Variants in GATA4 observed in about 807,000 individuals in gnomAD.
GATA4 encodes GATA binding protein 4.
GATA4 carries 7 observed loss-of-function variants against 37.9 expected under a neutral mutation model. The ratio of observed to expected loss-of-function variants is 0.18; its 90% CI spans 0.11 to 0.35. GATA4 has a LOEUF of 0.35. GATA4 is among the 10% of genes least tolerant of loss of function. The pLI, the probability that GATA4 is intolerant of heterozygous loss-of-function variation, is 1.00. For missense variants in GATA4, 647 were observed against 653.0 expected, an observed-to-expected ratio of 0.99 and a Z score of 0.10; for synonymous variants, 372 against 292.6, an observed-to-expected ratio of 1.27 and a Z score of -2.77.
chr8:11,681,372 A>AT, intron 1 of GATA4: 2 of 985,292 alleles, frequency 2.0e-6, no homozygotes, highest in Non-Finnish European at 2.4e-6. Context: ...CCTAGGTCTC[A>AT]TAAAAACTCC....
intron 1 of GATA4, among the ~76,000 whole-genome samples, chr8:11,684,140 G>A (rs943393751): frequency 1.4e-4 from 22 of 152,222 alleles, no homozygotes; most frequent in African/African-American, 4.8e-4. Context: ...TCCCTGAGCT[G>A]CTAGAAACTA....
At chr8:11,683,209 C>T (rs1255081935) in intron 1 of GATA4, 2 of 871,644 alleles carry the variant, frequency 2.3e-6, no homozygotes, top group Non-Finnish European at 2.8e-6. Context: ...TAGACCTCAG[C>T]ATTTATCCGG....
chr8:11,705,310 CTG>C (rs1331020365), intron 1 of GATA4, among the ~76,000 whole-genome samples: 1 of 152,176 alleles, frequency 6.6e-6, no homozygotes, highest in African/African-American at 2.4e-5. Flanking sequence ...CCGCACACGT[CTG>C]TGTCTCCTCC....
chr8:11,696,407 C>A (rs1042896467), intron 1 of GATA4, among the ~76,000 whole-genome samples: 1 of 126,336 alleles, frequency 7.9e-6, no homozygotes, highest in African/African-American at 3.1e-5. Flanking sequence ...TAGCTGAATG[C>A]ATTCGAGATT....
chr8:11,757,528 T>G (rs1173170261), intron 6 of GATA4, among the ~76,000 whole-genome samples: 1 of 152,178 alleles, frequency 6.6e-6, no homozygotes, highest in East Asian at 1.9e-4. Flanking sequence ...TAGGCAAGTC[T>G]GCCTCCTACG....
chr8:11,756,676 A>C lies in GATA4; in HGVS notation c.1001-259A>C, dbSNP rs1802584067. On this transcript the variant is annotated intron_variant, in intron 5 of 6. Transcript: ENST00000532059. The stretch of plus-strand genomic sequence containing the variant: ...TGGATTTTTAAAAATGTGAATCTTC[A>C]AGTTGAATGAGGAAGAATCTTTTTT... The C allele has an allele frequency of 6.8e-5, 38 of 557,280 alleles. No individual in the cohort carries two copies. The South Asian group carries it at 7.6e-4, about 11-fold the overall frequency. The allele number at this position is 557,280 out of a possible 1,614,324, so 34.5% of individuals were successfully genotyped here.
intron 4 of GATA4, among the ~76,000 whole-genome samples, chr8:11,751,387 T>G (rs1802294717): frequency 6.6e-6 from 1 of 152,162 alleles, no homozygotes; most frequent in African/African-American, 2.4e-5. Flanking sequence ...TCTGGTAGGA[T>G]ATGTAGAGAT....
In GATA4 at chr8:11,759,427, T is replaced by A. The variant is rs1159620445; in HGVS notation, c.*952T>A. The A allele has an allele frequency of 6.6e-6, 1 of 152,320 alleles. No homozygotes were observed. The highest frequency in any genetic ancestry group is 1.5e-5 in the Non-Finnish European group (1 of 68,148). 9.4% of individuals were successfully genotyped at this position (152,320 alleles called of 1,614,324 possible). The stretch of plus-strand genomic sequence containing the variant: ...GAGTCCTGGTCAGGGGGCAGGAGTG[T>A]CCCAAGGGCTGGCCCACCTGCTGTC... On this transcript the variant is annotated 3_prime_UTR_variant, in exon 7 of 7. Coordinates refer to ENST00000532059, the MANE Select transcript of GATA4 (RefSeq NM_001308093.3).
At position 11,723,946 on chromosome 8, in the gene GATA4, C is replaced by G. The variant is rs188642767; in HGVS notation, c.616+15018C>G. ...AACTCTTGCATCTTCCCAAGTGAAA[C>G]TCTGTACCCATTAAATAACGTCTCC... On this transcript the variant is annotated intron_variant, in intron 2 of 6. Transcript: ENST00000532059. 4.9e-3 allele frequency among the ~76,000 whole-genome samples: 739 copies of G among 152,330 alleles called. 7 individuals are homozygous for G. The highest frequency in any genetic ancestry group is 0.016 in the African/African-American group (652 of 41,578).
At chr8:11,704,371 T>A (rs1184911005) in intron 1 of GATA4, 67 bp downstream of exon 1, 1 of 152,226 alleles carries the variant, frequency 6.6e-6, no homozygotes, top group Admixed American at 6.5e-5. Flanking sequence ...CTTCTCCGCC[T>A]TTGCTTGTCT....
chr8:11,729,026 A>T (rs1486674695), intron 2 of GATA4, among the ~76,000 whole-genome samples: 1 of 151,846 alleles, frequency 6.6e-6, no homozygotes, highest in Non-Finnish European at 1.5e-5. Flanking sequence ...TGAGGTCAGG[A>T]ATTCGAGACC....
chr8:11,700,093 A>C (rs908881242), upstream of GATA4, among the ~76,000 whole-genome samples: 1 of 152,160 alleles, frequency 6.6e-6, no homozygotes, highest in Non-Finnish European at 1.5e-5. Flanking sequence ...GAGGGCGATA[A>C]CACCGTCTTT....
At chr8:11,713,593 A>G (rs1800297191) in intron 2 of GATA4, among the ~76,000 whole-genome samples, 1 of 151,836 alleles carries the variant, frequency 6.6e-6, no homozygotes, top group South Asian at 2.1e-4. Context: ...CACTGAGTGG[A>G]TGAAAGCAAG....
intron 1 of GATA4, among the ~76,000 whole-genome samples, chr8:11,677,968 A>G (rs1008430585): frequency 1.3e-5 from 2 of 151,658 alleles, no homozygotes; most frequent in Non-Finnish European, 2.9e-5. Context: ...GTCTGGGCAA[A>G]TGAGCCTTAA....
intron 2 of GATA4, among the ~76,000 whole-genome samples, chr8:11,742,846 C>G (rs1053042003): frequency 1.3e-5 from 2 of 152,252 alleles, no homozygotes; most frequent in African/African-American, 4.8e-5. Flanking sequence ...CTGGTGAACT[C>G]TGGATGGGAC....
In GATA4 at chr8:11,745,534, C is replaced by T. The variant is rs149417862; in HGVS notation, c.617-3382C>T. 2.6e-3 allele frequency among the ~76,000 whole-genome samples: 401 copies of T among 151,896 alleles called. 11 individuals are homozygous for T. Among genetic ancestry groups the T allele is most frequent in the Non-Finnish European group, 5.4e-4 (37 of 67,984 alleles). On this transcript the variant is annotated intron_variant, in intron 2 of 6. Transcript: ENST00000532059. ...CTAGGAGGTTGAGGCTGCAGTGAGC[C>T]GAGATCGCAGCACTGTACTCCAGCC...
At chr8:11,710,374 G>A (rs915099336) in intron 2 of GATA4, among the ~76,000 whole-genome samples, 3 of 152,128 alleles carry the variant, frequency 2.0e-5, no homozygotes, top group Non-Finnish European at 4.4e-5. Context: ...GCAGGCGGGA[G>A]TGCGGGGCGG....
rs988486472 is a variant in GATA4, at chr8:11,709,577, G to A, written c.616+649G>A. On this transcript the variant is annotated intron_variant, in intron 2 of 6. Transcript: ENST00000532059. This position sits in a 1 kb window ranked among gnomAD's most constrained non-coding sequence, Gnocchi z 4.3. ...GCGTGGGCGCATCATGCGGGCAGCG[G>A]GGGGGGGGGCGCACACGCCCGGTCA... is the stretch of plus-strand genomic sequence containing the variant. Among the ~76,000 whole-genome samples, 3 of 136,466 alleles carry A rather than the reference G, an allele frequency of 2.2e-5. No homozygotes were observed. The highest frequency in any genetic ancestry group is 7.0e-5 in the Admixed American group (1 of 14,190). 89.5% of individuals were successfully genotyped at this position (136,466 alleles called of 152,430 possible). A position where few individuals can be genotyped will look rare whatever the true frequency, so the allele number is the denominator to read the frequency against.
chr8:11,744,360 A>T (rs972685825), intron 2 of GATA4, among the ~76,000 whole-genome samples: 19 of 152,240 alleles, frequency 1.2e-4, no homozygotes, highest in Non-Finnish European at 2.2e-4. Flanking sequence ...TACAACTATT[A>T]TTACAAGTCT....
Sources: gnomAD v4.1 joint callset for allele counts (sites outside exome capture counted in the v4.1 genomes callset) on GRCh38, gnomAD v4.1.1 for gene constraint, Gnocchi (gnomAD v3.1) non-coding constraint, MANE v1.5 for transcripts, NCBI Gene and HGNC (gene_info 2026-07-23, HGNC 2026-07-21) for gene names.